Variants in OSBPL6 observed in about 807,000 individuals in gnomAD.
OSBPL6 encodes oxysterol binding protein like 6, also known as oxysterol-binding protein-related protein 6.
In OSBPL6, 49 loss-of-function variants were observed where a neutral mutation model predicts 125.8. That is an observed-to-expected ratio of 0.39 (90% confidence interval 0.31 to 0.49). The LOEUF is 0.49. Ranked by LOEUF, OSBPL6 falls within the 20% of genes least tolerant of loss-of-function variation. The probability of loss-of-function intolerance (pLI) is 0.88; values close to 1 mark genes in which losing one functional copy is unlikely to be tolerated. For missense variants in OSBPL6, 986 were observed against 1,135.4 expected (o/e 0.87, Z 1.89); for synonymous variants, 394 against 391.8 (o/e 1.01, Z -0.07).
chr2:178,194,248 G>C (rs138440334), upstream of OSBPL6, among the ~76,000 whole-genome samples: 3,389 of 152,276 alleles, frequency 0.022, 58 homozygotes, highest in Non-Finnish European at 0.035. Flanking sequence ...GGCCAGGGGA[G>C]AGCCCTGGCT....
chr2:178,231,988 C>T (rs1371745702), intron 1 of OSBPL6, among the ~76,000 whole-genome samples: 2 of 152,064 alleles, frequency 1.3e-5, no homozygotes, highest in Non-Finnish European at 2.9e-5. Flanking sequence ...CTTTGATAAT[C>T]ATCTTAGGGG....
chr2:178,315,392 T>TTG (rs1687645601), intron 3 of OSBPL6, among the ~76,000 whole-genome samples: 1 of 152,184 alleles, frequency 6.6e-6, no homozygotes, highest in Non-Finnish European at 1.5e-5. Context: ...TTTTATGAGT[T>TTG]TGTGTGTGTG....
At chr2:178,353,912 A>C (rs1323211734) in intron 12 of OSBPL6, among the ~76,000 whole-genome samples, 1 of 152,254 alleles carries the variant, frequency 6.6e-6, no homozygotes, top group Non-Finnish European at 1.5e-5. Flanking sequence ...AAAGCCTATA[A>C]GCCAGAAGAC....
At position 178,374,003 on chromosome 2, in the gene OSBPL6, C is replaced by A. The variant is rs371495912; in HGVS notation, c.1509C>A (p.Leu503=). 4 of 1,614,090 alleles carry A rather than the reference C, an allele frequency of 2.5e-6. No individual in the cohort carries two copies. The African/African-American group carries it at 4.0e-5, about 16-fold the overall frequency. Residue 503 remains leucine (L), a synonymous_variant, in exon 15 of 25, where the codon CTC becomes CTA. Transcript: ENST00000190611. The part of the protein sequence containing the change: ...SEFFDAQEVL[L]SASSSENEAS... The stretch of plus-strand genomic sequence containing the variant: ...TCTTTGATGCCCAAGAGGTGCTCCT[C>A]TCTGCAAGTTCGTCAGAGAATGAGG...
At chr2:178,284,111 GTTC>G (rs1268123701) in intron 1 of OSBPL6, among the ~76,000 whole-genome samples, 4 of 152,128 alleles carry the variant, frequency 2.6e-5, no homozygotes, top group African/African-American at 7.2e-5. Flanking sequence ...TATAGAGTCT[GTTC>G]TTCTTGCTAG....
chr2:178,285,598 G>C (rs958307509), intron 2 of OSBPL6, among the ~76,000 whole-genome samples: 2 of 152,328 alleles, frequency 1.3e-5, no homozygotes, highest in South Asian at 4.1e-4. Flanking sequence ...TGAAATGGCT[G>C]TGGTACTAGC....
At chr2:178,200,793 T>G (rs1462280336) in intron 1 of OSBPL6, among the ~76,000 whole-genome samples, 1 of 152,062 alleles carries the variant, frequency 6.6e-6, no homozygotes, top group Non-Finnish European at 1.5e-5. Flanking sequence ...TAAATATTTC[T>G]TTTCTTTTTT....
chr2:178,225,778 A>G (rs1325809595), intron 1 of OSBPL6, among the ~76,000 whole-genome samples: 1 of 152,184 alleles, frequency 6.6e-6, no homozygotes, highest in Non-Finnish European at 1.5e-5. Flanking sequence ...ATCAGATGTC[A>G]TGAGACCCAT....
chr2:178,283,980 C>G (rs1324930830), intron 1 of OSBPL6, among the ~76,000 whole-genome samples: 1 of 152,188 alleles, frequency 6.6e-6, no homozygotes, highest in Non-Finnish European at 1.5e-5. Context: ...ACCTTCACCA[C>G]CGGGGATCAT....
In OSBPL6 at chr2:178,338,921, AC is replaced by A. The variant is rs1280876626; in HGVS notation, c.791-67del. On this transcript the variant is annotated intron_variant, in intron 9 of 24. Coordinates refer to ENST00000190611, the MANE Select transcript of OSBPL6 (RefSeq NM_032523.4). Reference sequence around the variant, plus strand: ...CTTATATTTGCCATAATTTGCATTGACCCTTTTATTACCATCCCCACCGCTC... The same window carrying A: ...CTTATATTTGCCATAATTTGCATTGACCTTTTATTACCATCCCCACCGCTC... 4 of 1,008,032 alleles carry A rather than the reference AC, an allele frequency of 4.0e-6. No individual in the cohort carries two copies. The African/African-American group carries it at 6.5e-5, about 16-fold the overall frequency. The allele number at this position is 1,008,032 out of a possible 1,614,324, so 62.4% of individuals were successfully genotyped here.
chr2:178,296,124 C>T (rs1349410561), intron 2 of OSBPL6, among the ~76,000 whole-genome samples: 1 of 152,150 alleles, frequency 6.6e-6, no homozygotes, highest in East Asian at 1.9e-4. Flanking sequence ...CTGCTGCCTG[C>T]TGGCAGGCTT....
chr2:178,273,783 TA>T (rs758749942), intron 1 of OSBPL6, among the ~76,000 whole-genome samples: 2 of 152,164 alleles, frequency 1.3e-5, no homozygotes, highest in Non-Finnish European at 2.9e-5. Context: ...ATACATCGCA[TA>T]ACCATATCAC....
At chr2:178,293,598 T>C (rs334620) in intron 2 of OSBPL6, among the ~76,000 whole-genome samples, 76,502 of 151,932 alleles carry the variant, frequency 0.5, 19,479 homozygotes, top group Non-Finnish European at 0.53. Context: ...TCGTGGAAGA[T>C]GGGGTATTTA....
intron 1 of OSBPL6, among the ~76,000 whole-genome samples, chr2:178,198,129 G>C (rs1348467754): frequency 1.3e-5 from 2 of 152,188 alleles, no homozygotes; most frequent in African/African-American, 4.8e-5. Context: ...TACCAGGAGA[G>C]ATCCAAGGCT....
At chr2:178,313,690 T>A (rs1200051069) in intron 3 of OSBPL6, among the ~76,000 whole-genome samples, 1 of 152,236 alleles carries the variant, frequency 6.6e-6, no homozygotes, top group Non-Finnish European at 1.5e-5. Context: ...GGTCCATCTT[T>A]TAACAACTAT....
intron 4 of OSBPL6, among the ~76,000 whole-genome samples, chr2:178,324,914 C>T (rs1003163980): frequency 1.4e-4 from 22 of 152,182 alleles, no homozygotes; most frequent in African/African-American, 2.4e-4. Flanking sequence ...AGAACCTATG[C>T]GGAGGGACTG....
intron 12 of OSBPL6, among the ~76,000 whole-genome samples, chr2:178,354,540 A>C (rs1031966318): frequency 1.3e-5 from 2 of 152,242 alleles, no homozygotes; most frequent in East Asian, 1.9e-4. Flanking sequence ...AGAGCTAACT[A>C]TCCTAAATAT....
intron 2 of OSBPL6, among the ~76,000 whole-genome samples, chr2:178,300,586 G>A (rs1686186314): frequency 1.3e-5 from 2 of 152,190 alleles, no homozygotes; most frequent in Non-Finnish European, 2.9e-5. Context: ...TCAGCCTCCC[G>A]AATAGCCGGG....
At chr2:178,194,935 G>A (rs1426058896) in intron 1 of OSBPL6, among the ~76,000 whole-genome samples, 2 of 152,132 alleles carry the variant, frequency 1.3e-5, no homozygotes, top group South Asian at 2.1e-4. Flanking sequence ...TCGCGGTCCC[G>A]GTTTGCCGCC....
Sources: allele counts gnomAD v4.1 joint callset (sites outside exome capture counted in the v4.1 genomes callset), GRCh38; gene constraint gnomAD v4.1.1; transcripts MANE v1.5; gene names NCBI Gene and HGNC (gene_info 2026-07-23, HGNC 2026-07-21).